Variants in ADAMTS17 observed in about 807,000 individuals in gnomAD.
The protein encoded by ADAMTS17 is A disintegrin and metalloproteinase with thrombospondin motifs 17.
A neutral mutation model predicts 141.5 loss-of-function variants in ADAMTS17; 113 were observed. The ratio of observed to expected loss-of-function variants is 0.80; its 90% CI spans 0.69 to 0.93. The LOEUF is 0.93. ADAMTS17 is among the 40% of genes least tolerant of loss of function. The pLI is 0.00. For synonymous variants in ADAMTS17, 768 were observed against 630.6 expected (o/e 1.22, Z -3.27); for missense variants, 1,659 against 1,517.9 (o/e 1.09, Z -1.54).
At chr15:100,314,737 G>A (rs2045508495) in intron 3 of ADAMTS17, among the ~76,000 whole-genome samples, 2 of 152,170 alleles carry the variant, frequency 1.3e-5, no homozygotes, top group South Asian at 4.1e-4. Flanking sequence ...CAAGACTTTG[G>A]TTCAGAAACA....
intron 4 of ADAMTS17, among the ~76,000 whole-genome samples, chr15:100,263,624 G>A (rs2043606335): frequency 6.6e-6 from 1 of 152,186 alleles, no homozygotes; most frequent in Admixed American, 6.5e-5. Context: ...CGAGCCCCAG[G>A]TCATTATGAC....
intron 8 of ADAMTS17, among the ~76,000 whole-genome samples, chr15:100,181,154 A>G (rs2040511103): frequency 6.6e-6 from 1 of 152,148 alleles, no homozygotes. Context: ...TTAAGGCTCA[A>G]GCACTCTTCA....
intron 3 of ADAMTS17, among the ~76,000 whole-genome samples, chr15:100,302,580 C>A (rs1002201732): frequency 2.0e-5 from 3 of 152,160 alleles, no homozygotes; most frequent in African/African-American, 7.2e-5. Context: ...TTTACTATAA[C>A]CATCCAAGCA....
At chr15:99,994,386 G>A (rs1052170768) in intron 19 of ADAMTS17, among the ~76,000 whole-genome samples, 4 of 151,864 alleles carry the variant, frequency 2.6e-5, no homozygotes, top group Non-Finnish European at 5.9e-5. Flanking sequence ...GGGAGGCTGA[G>A]GTGGGAGGAT....
intron 3 of ADAMTS17, among the ~76,000 whole-genome samples, chr15:100,323,084 C>CAAAAAAAAAA (rs60468549): frequency 1.9e-5 from 2 of 107,464 alleles, no homozygotes; most frequent in Non-Finnish European, 3.5e-5. Context: ...GACTCCGTCT[C>CAAAAAAAAAA]AAAAAAAAAA....
In ADAMTS17 at chr15:100,281,436, G is replaced by A. The variant is rs746002368; in HGVS notation, c.617-35C>T. ...GATGGAAACATTTGTGCGGTCCTTG[G>A]CTTACTGACTTCCAAAACCATGCAG... On this transcript the variant is annotated intron_variant, in intron 3 of 21. Transcript: ENST00000268070. The A allele has an allele frequency of 2.5e-6, 4 of 1,598,390 alleles. No individual in the cohort carries two copies. The South Asian group carries it at 3.4e-5, about 13-fold the overall frequency.
intron 3 of ADAMTS17, among the ~76,000 whole-genome samples, chr15:100,310,795 A>T (rs1276284099): frequency 6.6e-6 from 1 of 152,174 alleles, no homozygotes; most frequent in Non-Finnish European, 1.5e-5. Context: ...GGTTTGATCT[A>T]CGACTTGCTA....
At chr15:100,110,448 T>TAG (rs1490467836) in intron 13 of ADAMTS17, among the ~76,000 whole-genome samples, 3 of 151,556 alleles carry the variant, frequency 2.0e-5, no homozygotes, top group Admixed American at 6.6e-5. Context: ...GTATTTTCAG[T>TAG]AGAGACACCG....
Position 99,976,080 on chromosome 15 carries a change from C to G in ADAMTS17, c.3092G>C (p.Arg1031Thr). The G allele has an allele frequency of 1.3e-6, 2 of 1,551,692 alleles. No individual in the cohort carries two copies. Among genetic ancestry groups the G allele is most frequent in the Non-Finnish European group, 1.7e-6 (2 of 1,146,980 alleles). The change falls in exon 21 of 22, where the codon AGG (arginine) becomes ACG (threonine). Residue 1031 changes from arginine (R) to threonine (T), a missense_variant. Arg to Thr is a moderately conservative substitution (Grantham distance 71). Coordinates refer to ENST00000268070, the MANE Select transcript of ADAMTS17 (RefSeq NM_139057.4). ...RQCYQEVCNDRINANTITSPR... is the reference protein window; with the variant it reads ...RQCYQEVCNDTINANTITSPR... ...GGAGGTGATGGTGTTGGCGTTGATC[C>G]TGTCGTTGCAGACCTCCTGGTAGCA... is the stretch of plus-strand genomic sequence containing the variant.
chr15:100,241,460 C>G (rs766152211), intron 7 of ADAMTS17, among the ~76,000 whole-genome samples: 1 of 152,184 alleles, frequency 6.6e-6, no homozygotes, highest in Non-Finnish European at 1.5e-5. Flanking sequence ...CTGATTGTTG[C>G]GGTAATTTCT....
chr15:100,212,278 G>C (rs1280447814), intron 7 of ADAMTS17, among the ~76,000 whole-genome samples: 1 of 152,140 alleles, frequency 6.6e-6, no homozygotes, highest in African/African-American at 2.4e-5. Flanking sequence ...AAGGTAGAGA[G>C]GACTCTGCCC....
chr15:100,108,005 G>T (rs1467422257), intron 14 of ADAMTS17, among the ~76,000 whole-genome samples: 1 of 152,064 alleles, frequency 6.6e-6, no homozygotes, highest in Non-Finnish European at 1.5e-5. Context: ...CAGCTGCTGC[G>T]CCACCTCAGG....
intron 12 of ADAMTS17, among the ~76,000 whole-genome samples, chr15:100,123,865 C>T (rs778103961): frequency 1.3e-5 from 2 of 152,152 alleles, no homozygotes; most frequent in Non-Finnish European, 2.9e-5. Context: ...TCAGCCACCA[C>T]GAGGCCTGAA....
chr15:100,046,871 C>A (rs1026695930), intron 18 of ADAMTS17, among the ~76,000 whole-genome samples: 1 of 152,076 alleles, frequency 6.6e-6, no homozygotes, highest in Non-Finnish European at 1.5e-5. Flanking sequence ...GAAATCTGGG[C>A]ACCTTGAAAA....
intron 18 of ADAMTS17, among the ~76,000 whole-genome samples, chr15:100,036,646 G>A (rs542881573): frequency 7.2e-5 from 11 of 152,244 alleles, no homozygotes; most frequent in African/African-American, 1.4e-4. Context: ...CATCTGAAGC[G>A]CACAATTCAA....
intron 8 of ADAMTS17, among the ~76,000 whole-genome samples, chr15:100,173,427 C>A (rs963411278): frequency 6.6e-6 from 1 of 152,124 alleles, no homozygotes; most frequent in Non-Finnish European, 1.5e-5. Context: ...CAAACTATTT[C>A]TGCCCATGAG....
intron 18 of ADAMTS17, among the ~76,000 whole-genome samples, chr15:100,026,283 T>C (rs754920642): frequency 1.3e-5 from 2 of 152,272 alleles, no homozygotes; most frequent in African/African-American, 2.4e-5. Flanking sequence ...AATCCATCCA[T>C]TGTACTGTGG....
intron 8 of ADAMTS17, among the ~76,000 whole-genome samples, chr15:100,165,709 G>A (rs74037524): frequency 3.9e-5 from 6 of 152,276 alleles, no homozygotes; most frequent in African/African-American, 1.4e-4. Flanking sequence ...GTTAGAAATT[G>A]TGAAGATGTT....
chr15:100,138,196 G>A (rs1022592879), intron 10 of ADAMTS17, among the ~76,000 whole-genome samples: 2 of 152,136 alleles, frequency 1.3e-5, no homozygotes, highest in Non-Finnish European at 2.9e-5. Context: ...AAGGGGTTCT[G>A]GTTGAAACAA....
Sources: allele counts gnomAD v4.1 joint callset (sites outside exome capture counted in the v4.1 genomes callset), GRCh38; gene constraint gnomAD v4.1.1; transcripts MANE v1.5; gene names NCBI Gene and HGNC (gene_info 2026-07-23, HGNC 2026-07-21).